The following DNAL1 variants were observed in gnomAD, a reference collection of about 807,000 sequenced individuals.
DNAL1 encodes dynein axonemal light chain 1.
Under a neutral mutation model 29.4 loss-of-function variants are expected in DNAL1, and 17 were observed. The ratio of observed to expected loss-of-function variants is 0.58; its 90% CI spans 0.40 to 0.87. The LOEUF is 0.87. DNAL1 is among the 40% of genes least tolerant of loss of function. The probability of loss-of-function intolerance (pLI) is 0.00; values close to 1 mark genes in which losing one functional copy is unlikely to be tolerated. For synonymous variants in DNAL1, 78 were observed against 76.3 expected (o/e 1.02, Z -0.12); for missense variants, 188 against 214.1 (o/e 0.88, Z 0.76).
intron 5 of DNAL1, among the ~76,000 whole-genome samples, chr14:73,685,285 G>T (rs1891991630): frequency 6.6e-6 from 1 of 152,068 alleles, no homozygotes; most frequent in Non-Finnish European, 1.5e-5. Flanking sequence ...CCTCTTCCCT[G>T]ATCCCTGGCA....
At chr14:73,687,511 C>G in intron 6 of DNAL1, 126 bp downstream of exon 6, 2 of 1,130,548 alleles carry the variant, frequency 1.8e-6, no homozygotes, top group Non-Finnish European at 2.3e-6. Context: ...ACATTTATGG[C>G]TAAGCTCAGA....
chr14:73,670,223 T>C (rs1891587046), intron 4 of DNAL1, among the ~76,000 whole-genome samples: 1 of 152,226 alleles, frequency 6.6e-6, no homozygotes, highest in African/African-American at 2.4e-5. Flanking sequence ...CAATTATGGA[T>C]GTTATAGAAC....
intron 4 of DNAL1, among the ~76,000 whole-genome samples, chr14:73,670,840 C>T (rs1891602086): frequency 6.6e-6 from 1 of 151,894 alleles, no homozygotes; most frequent in African/African-American, 2.4e-5. Flanking sequence ...GAATTCACAC[C>T]ATTCTCCTGC....
chr14:73,665,382 TC>T (rs1177040867), intron 4 of DNAL1, among the ~76,000 whole-genome samples: 2 of 152,202 alleles, frequency 1.3e-5, no homozygotes, highest in African/African-American at 4.8e-5. Context: ...AGTTTTTTTC[TC>T]TGTAATTGAA....
At chr14:73,652,037 TTTTG>T (rs557752404) in intron 1 of DNAL1, among the ~76,000 whole-genome samples, 5 of 152,046 alleles carry the variant, frequency 3.3e-5, no homozygotes, top group South Asian at 4.1e-4. Flanking sequence ...TATGTGTGGT[TTTTG>T]TTTGTTTGTT....
In DNAL1 at chr14:73,700,224, AT is replaced by A. The variant is rs1014666432; in HGVS notation, c.*4283del. 3.3e-4 allele frequency: 51 copies of A among 152,308 alleles called. No individual in the cohort carries two copies. The highest frequency in any genetic ancestry group is 1.2e-3 in the African/African-American group (49 of 41,546). 9.4% of individuals were successfully genotyped at this position (152,308 alleles called of 1,614,324 possible). On this transcript the variant is annotated 3_prime_UTR_variant, in exon 8 of 8. Coordinates refer to ENST00000553645, the MANE Select transcript of DNAL1 (RefSeq NM_031427.4). ...AAAAGATAGCCGGGCGTGGTGGCGCATGCCTGTAATCCCAGCTACTCGGGAG... is the reference window on the plus strand; with the variant it reads ...AAAAGATAGCCGGGCGTGGTGGCGCAGCCTGTAATCCCAGCTACTCGGGAG...
chr14:73,677,080 C>T (rs1443860178), intron 5 of DNAL1, among the ~76,000 whole-genome samples: 1 of 151,550 alleles, frequency 6.6e-6, no homozygotes, highest in African/African-American at 2.4e-5. Context: ...ACGCCATTCT[C>T]CTGCCTCAGC....
chr14:73,658,976 T>A lies in DNAL1; in HGVS notation c.152+20T>A. On this transcript the variant is annotated intron_variant, in intron 3 of 7. Coordinates refer to ENST00000553645, the MANE Select transcript of DNAL1 (RefSeq NM_031427.4). ...TTGCGAGTAAGTTCTCTTTTCATCC[T>A]TCCAGTATTGCTGTTAGGTTTCCCT... 2 of 1,411,334 alleles carry A rather than the reference T, an allele frequency of 1.4e-6. No individual in the cohort carries two copies. Among genetic ancestry groups the A allele is most frequent in the Non-Finnish European group, 1.9e-6 (2 of 1,061,620 alleles). 87.4% of individuals were successfully genotyped at this position (1,411,334 alleles called of 1,614,324 possible).
In DNAL1 at chr14:73,646,988, T is replaced by C. The variant is rs1890990228; in HGVS notation, c.3+1946T>C. The stretch of plus-strand genomic sequence containing the variant: ...TTTCAGTGTCTTTTTTTCCCCCTTA[T>C]GACCTGCCACTTCAGGACAATGTCT... On this transcript the variant is annotated intron_variant, in intron 1 of 7. Transcript: ENST00000553645. Among the ~76,000 whole-genome samples the C allele has an allele frequency of 2.0e-5, 3 of 152,134 alleles. No homozygotes were observed. In the South Asian group the frequency reaches 6.2e-4, roughly 31 times the overall value.
Position 73,703,253 on chromosome 14 carries a change from A to G in DNAL1, c.*7311A>G, listed in dbSNP as rs527531855. 3.9e-5 allele frequency: 6 copies of G among 152,310 alleles called. No homozygotes were observed. Among genetic ancestry groups the G allele is most frequent in the Non-Finnish European group, 5.9e-5 (4 of 68,034 alleles). 9.4% of individuals were successfully genotyped at this position (152,310 alleles called of 1,614,324 possible). On this transcript the variant is annotated 3_prime_UTR_variant, in exon 8 of 8. Transcript: ENST00000553645. The stretch of plus-strand genomic sequence containing the variant: ...ATCCTCACATTGATTTATGTCATAT[A>G]TATGTATTGCATTGAATATATATAT...
rs1168856112 is a variant in DNAL1 at position 73,699,124 on chromosome 14, T to A, written c.*3182T>A. On this transcript the variant is annotated 3_prime_UTR_variant, in exon 8 of 8. Transcript: ENST00000553645. ...TCTCCAGACATTGCCATCTGTCCCT[T>A]GGGTAGGAGGGTGGGAACAAATTCT... is the stretch of plus-strand genomic sequence containing the variant. 6.6e-6 allele frequency: 1 copy of A among 152,136 alleles called. No homozygotes were observed. Among genetic ancestry groups the A allele is most frequent in the African/African-American group, 2.4e-5 (1 of 41,400 alleles). 9.4% of individuals were successfully genotyped at this position (152,136 alleles called of 1,614,324 possible).
chr14:73,679,879 CT>C (rs142899983), intron 5 of DNAL1, among the ~76,000 whole-genome samples: 17,796 of 143,642 alleles, frequency 0.12, 2,058 homozygotes, highest in East Asian at 0.62. Flanking sequence ...GGTATCATGT[CT>C]TTTTTTTTTT....
At chr14:73,677,884 T>TATTTTTGTGTG (rs1555402397) in intron 5 of DNAL1, among the ~76,000 whole-genome samples, 1 of 96,130 alleles carries the variant, frequency 1.0e-5, no homozygotes, top group Non-Finnish European at 2.2e-5. Flanking sequence ...ATATATATAT[T>TATTTTTGTGTG]TGTGTGTGTG....
At position 73,690,177 on chromosome 14, in the gene DNAL1, G is replaced by A. The variant is rs187435361; in HGVS notation, c.532+662G>A. On this transcript the variant is annotated intron_variant, in intron 7 of 7. Transcript: ENST00000553645. The stretch of plus-strand genomic sequence containing the variant: ...GGTCAGGAGTTTGAGACCAGCCTTT[G>A]CAATATAGTGAGAAAAACCCTGTAT... 8.0e-3 allele frequency among the ~76,000 whole-genome samples: 1,222 copies of A among 152,120 alleles called. 21 individuals carry two copies. The highest frequency in any genetic ancestry group is 0.028 in the African/African-American group (1,158 of 41,494).
intron 1 of DNAL1, among the ~76,000 whole-genome samples, chr14:73,647,670 A>G (rs1350781627): frequency 6.6e-6 from 1 of 152,230 alleles, no homozygotes; most frequent in Non-Finnish European, 1.5e-5. Flanking sequence ...AGTTAAGTCC[A>G]TGAGGACCTT....
intron 5 of DNAL1, among the ~76,000 whole-genome samples, chr14:73,678,490 C>G (rs1446280105): frequency 2.1e-5 from 3 of 144,938 alleles, no homozygotes; most frequent in East Asian, 4.1e-4. Context: ...GTAAAGTATT[C>G]AAATATAGTG....
At chr14:73,689,120 G>A (rs146970694) in intron 6 of DNAL1, among the ~76,000 whole-genome samples, 5 of 136,104 alleles carry the variant, frequency 3.7e-5, no homozygotes, top group East Asian at 2.4e-4. Context: ...TGCAACCTCC[G>A]TCTCCCGGGT....
chr14:73,649,314 G>C (rs1213215898), intron 1 of DNAL1, among the ~76,000 whole-genome samples: 6 of 144,812 alleles, frequency 4.1e-5, no homozygotes, highest in African/African-American at 1.6e-4. Flanking sequence ...ACGGAGTCTC[G>C]CTCTGTCGCC....
rs976168780 is a variant in DNAL1, at chr14:73,701,647, C to G, written c.*5705C>G. ...GGTGCTACTGCCTGGAGGGATCACT[C>G]CCATCAAAAGACTGGTGAGTTGGAA... On this transcript the variant is annotated 3_prime_UTR_variant, in exon 8 of 8. Transcript: ENST00000553645. The G allele has an allele frequency of 6.6e-6, 1 of 152,200 alleles. No individual in the cohort carries two copies. The highest frequency in any genetic ancestry group is 1.5e-5 in the Non-Finnish European group (1 of 68,048). 9.4% of individuals were successfully genotyped at this position (152,200 alleles called of 1,614,324 possible).
Sources: allele counts gnomAD v4.1 joint callset (sites outside exome capture counted in the v4.1 genomes callset), GRCh38; gene constraint gnomAD v4.1.1; transcripts MANE v1.5; gene names NCBI Gene and HGNC (gene_info 2026-07-23, HGNC 2026-07-21).